RIMS1: variants seen among roughly 807,000 people sequenced by gnomAD.
RIMS1 encodes the protein regulating synaptic membrane exocytosis protein 1.
A neutral mutation model predicts 214.1 loss-of-function variants in RIMS1; 83 were observed. The observed-to-expected ratio is 0.39, with a 90% CI of 0.32 to 0.47. The LOEUF (loss-of-function observed/expected upper bound fraction) is 0.47. Ranked by LOEUF, RIMS1 falls within the 20% of genes least tolerant of loss-of-function variation. The probability of loss-of-function intolerance (pLI) is 0.99; values close to 1 mark genes in which losing one functional copy is unlikely to be tolerated. For missense variants in RIMS1, 2,050 were observed against 2,161.8 expected, an observed-to-expected ratio of 0.95 and a Z score of 1.03; for synonymous variants, 793 against 786.8, an observed-to-expected ratio of 1.01 and a Z score of -0.13.
chr6:72,123,507 G>A (rs1562366970), intron 4 of RIMS1, among the ~76,000 whole-genome samples: 1 of 151,794 alleles, frequency 6.6e-6, no homozygotes, highest in Non-Finnish European at 1.5e-5. Flanking sequence ...GCAGAGCTGA[G>A]TTCAATTCCT....
At chr6:72,010,689 C>A (rs954479151) in intron 2 of RIMS1, among the ~76,000 whole-genome samples, 11 of 149,612 alleles carry the variant, frequency 7.4e-5, no homozygotes, top group African/African-American at 2.8e-4. Context: ...CAATAACAGA[C>A]AAACAGAGAG....
rs575650701 is a variant in RIMS1 at position 71,886,820 on chromosome 6, G to A, written c.-204G>A. On this transcript the variant is annotated 5_prime_UTR_variant, in exon 1 of 34. Coordinates refer to ENST00000521978, the MANE Select transcript of RIMS1 (RefSeq NM_014989.7). ...AAAACAAAGGCAGCATCCGGGGCTGGGTGGATGCAAACAACCATGAAAGAC... is the reference window on the plus strand; with the variant it reads ...AAAACAAAGGCAGCATCCGGGGCTGAGTGGATGCAAACAACCATGAAAGAC... 26 of 618,902 alleles carry A rather than the reference G, an allele frequency of 4.2e-5. 2 individuals are homozygous for A. The South Asian group carries it at 4.7e-4, about 11-fold the overall frequency. 38.3% of individuals were successfully genotyped at this position (618,902 alleles called of 1,614,324 possible).
rs1408401867 is a variant in RIMS1, at chr6:71,966,336, GTTTATT to G, written c.165-2640_165-2635del. On this transcript the variant is annotated intron_variant, in intron 1 of 33. Transcript: ENST00000521978. ...ATATATTGCTTTTGAATATTAATGT[GTTTATT>G]TTTATTATTCAATAAAACTTTAAAA... 2.6e-5 allele frequency among the ~76,000 whole-genome samples: 4 copies of G among 152,090 alleles called. No homozygotes were observed. The South Asian group carries it at 6.2e-4, about 24-fold the overall frequency.
intron 1 of RIMS1, among the ~76,000 whole-genome samples, chr6:71,957,723 C>T (rs1391574037): frequency 2.7e-5 from 4 of 150,262 alleles, no homozygotes; most frequent in African/African-American, 7.5e-5. Context: ...AATGACATGA[C>T]AGTGTATAGA....
chr6:72,385,992 A>G (rs1181268569), intron 29 of RIMS1, among the ~76,000 whole-genome samples: 1 of 152,216 alleles, frequency 6.6e-6, no homozygotes, highest in Non-Finnish European at 1.5e-5. Context: ...CAGCAGGACT[A>G]AAACAAAAAC....
chr6:72,308,416 A>G (rs2095339899), intron 27 of RIMS1, among the ~76,000 whole-genome samples: 1 of 152,150 alleles, frequency 6.6e-6, no homozygotes, highest in Admixed American at 6.6e-5. Flanking sequence ...GTAATTTAAT[A>G]TCAACAAACT....
intron 2 of RIMS1, among the ~76,000 whole-genome samples, chr6:72,014,322 G>A (rs993935795): frequency 4.6e-5 from 7 of 152,310 alleles, no homozygotes; most frequent in South Asian, 2.1e-4. Flanking sequence ...CCTATGACAC[G>A]TGGGGATTAT....
intron 4 of RIMS1, among the ~76,000 whole-genome samples, chr6:72,141,477 C>A (rs555802632): frequency 3.8e-4 from 58 of 151,976 alleles, no homozygotes; most frequent in African/African-American, 1.4e-3. Context: ...TTAGAGGCTG[C>A]AATTTGAGGC....
At chr6:72,048,690 G>A (rs1467534569) in intron 2 of RIMS1, among the ~76,000 whole-genome samples, 5 of 152,078 alleles carry the variant, frequency 3.3e-5, no homozygotes, top group African/African-American at 4.8e-5. Flanking sequence ...AATGAAAAAC[G>A]GTATCCTCCT....
intron 2 of RIMS1, among the ~76,000 whole-genome samples, chr6:72,066,791 G>A (rs1188918388): frequency 4.6e-5 from 7 of 152,044 alleles, no homozygotes; most frequent in Admixed American, 1.3e-4. Context: ...TAATCTAGAT[G>A]CTACTCTTGA....
chr6:72,032,068 G>A (rs1818267196), intron 2 of RIMS1, among the ~76,000 whole-genome samples: 2 of 152,090 alleles, frequency 1.3e-5, no homozygotes, highest in Non-Finnish European at 2.9e-5. Flanking sequence ...TATATCAGGG[G>A]AAAGGAAGGA....
At chr6:72,132,687 T>G (rs2040630202) in intron 4 of RIMS1, among the ~76,000 whole-genome samples, 3 of 151,832 alleles carry the variant, frequency 2.0e-5, no homozygotes. Flanking sequence ...CACTTTAAAC[T>G]CTAGGCCAGT....
chr6:72,318,342 G>C (rs2095937039), intron 28 of RIMS1, among the ~76,000 whole-genome samples: 1 of 151,582 alleles, frequency 6.6e-6, no homozygotes, highest in African/African-American at 2.4e-5. Flanking sequence ...CATTACACTG[G>C]AAATTATGCA....
chr6:72,169,729 G>A (rs1029452483), intron 4 of RIMS1, among the ~76,000 whole-genome samples: 1 of 152,016 alleles, frequency 6.6e-6, no homozygotes, highest in Non-Finnish European at 1.5e-5. Context: ...CATGGTGAAA[G>A]CCTGTCTCTA....
In RIMS1 at chr6:72,265,963, A is replaced by G; in HGVS notation, c.3312A>G (p.Glu1104=). The G allele has an allele frequency of 1.3e-6, 2 of 1,566,580 alleles. No homozygotes were observed. Among genetic ancestry groups the G allele is most frequent in the Non-Finnish European group, 1.7e-6 (2 of 1,153,882 alleles). ...LRFTDEILVS[E]LQPFLDRARS... is the part of the protein sequence containing the mutation. ...GGATGCAATGCACTGGCACTAGTGA[A>G]CTGCAGCCCTTTCTTGACAGGGCTA... Residue 1104 remains glutamate (E), a synonymous_variant, in exon 22 of 34, where the codon GAA becomes GAG. Coordinates refer to ENST00000521978, the MANE Select transcript of RIMS1 (RefSeq NM_014989.7).
intron 6 of RIMS1, chr6:72,212,768 G>A (rs2054047640): frequency 3.0e-6 from 3 of 988,608 alleles, no homozygotes; most frequent in Non-Finnish European, 3.6e-6. Flanking sequence ...GAATCCTGTG[G>A]ATCTGGTTAA....
intron 2 of RIMS1, among the ~76,000 whole-genome samples, chr6:72,096,324 G>A (rs1253132563): frequency 1.3e-5 from 2 of 152,184 alleles, no homozygotes. Flanking sequence ...CTAACATTCT[G>A]TGTACTGTAT....
At chr6:72,212,665 C>T (rs577587107) in intron 6 of RIMS1, 101 of 289,300 alleles carry the variant, frequency 3.5e-4, no homozygotes, top group Non-Finnish European at 4.9e-4. Context: ...GCTCACAGCA[C>T]GACAAAGGAC....
At chr6:72,387,665 G>T (rs1008156501) in intron 29 of RIMS1, among the ~76,000 whole-genome samples, 3 of 152,190 alleles carry the variant, frequency 2.0e-5, no homozygotes, top group Non-Finnish European at 4.4e-5. Context: ...CCAAAAAGGG[G>T]ATAGGAAGAG....
Sources: gnomAD v4.1 joint callset for allele counts (sites outside exome capture counted in the v4.1 genomes callset) on GRCh38, gnomAD v4.1.1 for gene constraint, MANE v1.5 for transcripts, NCBI Gene and HGNC (gene_info 2026-07-23, HGNC 2026-07-21) for gene names.